Variants in WDR27 observed in about 807,000 individuals in gnomAD.
WDR27 encodes the protein WD repeat-containing protein 27.
WDR27 carries 100 observed loss-of-function variants against 114.4 expected under a neutral mutation model. The observed-to-expected ratio is 0.87, with a 90% confidence interval of 0.74 to 1.03. WDR27 has a LOEUF of 1.03. WDR27 is among the 50% of genes least tolerant of loss of function. The pLI is 0.00. For synonymous variants in WDR27, 449 were observed against 423.1 expected, an observed-to-expected ratio of 1.06 and a Z score of -0.75; for missense variants, 1,129 against 1,092.9, an observed-to-expected ratio of 1.03 and a Z score of -0.47.
intron 24 of WDR27, among the ~76,000 whole-genome samples, chr6:169,580,933 T>TTATATATATATATATACATA (rs1803270055): frequency 3.7e-5 from 2 of 53,690 alleles, no homozygotes; most frequent in African/African-American, 9.7e-5. Context: ...TTAGTGAATT[T>TTATATATATATATATACATA]TATATATATA....
chr6:169,452,180 C>T, the WDR27 span, among the ~76,000 whole-genome samples: 1 of 152,186 alleles, frequency 6.6e-6, no homozygotes, highest in Non-Finnish European at 1.5e-5. Flanking sequence ...GGCCCCACTT[C>T]GGCAGGTTTT....
chr6:169,612,543 G>A (rs563594457), intron 22 of WDR27, among the ~76,000 whole-genome samples: 77 of 151,302 alleles, frequency 5.1e-4, no homozygotes, highest in African/African-American at 1.7e-3. Context: ...GCTCAGGGGT[G>A]GGGTGGTGGG....
rs372255258 is a variant in WDR27, at chr6:169,509,422, G to C, written c.2646-51788C>G. On this transcript the variant is annotated intron_variant, in intron 25 of 25. Coordinates refer to ENST00000448612, the MANE Select transcript of WDR27 (RefSeq NM_182552.5). The stretch of plus-strand genomic sequence containing the variant: ...AACCAAAACAGCATGGTACTGGTAC[G>C]AAAACAGAGATATAGACCAATGGAA... 2.4e-4 allele frequency among the ~76,000 whole-genome samples: 37 copies of C among 152,106 alleles called. No homozygotes were observed. In the South Asian group the frequency reaches 3.3e-3, roughly 14 times the overall value.
At chr6:169,650,033 C>T (rs1821889598) in intron 14 of WDR27, among the ~76,000 whole-genome samples, 1 of 148,602 alleles carries the variant, frequency 6.7e-6, no homozygotes, top group Admixed American at 6.7e-5. Flanking sequence ...ACCCACACAT[C>T]CATCCCTCAT....
rs185423347 is a variant in WDR27, at chr6:169,583,021, G to A, written c.2425-87C>T. On this transcript the variant is annotated intron_variant, in intron 23 of 25. Transcript: ENST00000448612. The stretch of plus-strand genomic sequence containing the variant: ...AGGCAGAGCAGAGGGACCATCTATA[G>A]ATTAGTGTAGTTGATCAGATACAAC... 4 of 1,136,176 alleles carry A rather than the reference G, an allele frequency of 3.5e-6. No homozygotes were observed. In the African/African-American group the frequency reaches 4.6e-5, roughly 13 times the overall value. 70.4% of individuals were successfully genotyped at this position (1,136,176 alleles called of 1,614,324 possible). A position where few individuals can be genotyped will look rare whatever the true frequency, so the allele number is the denominator to read the frequency against.
Position 169,688,892 on chromosome 6 carries a change from G to A in WDR27, c.114C>T (p.Cys38=). 6.2e-7 allele frequency: 1 copy of A among 1,613,870 alleles called. No individual in the cohort carries two copies. Among genetic ancestry groups the A allele is most frequent in the South Asian group, 1.1e-5 (1 of 91,064 alleles). ...AAGGGAAAGCACAGTCCTGCATGCT[G>A]CAAGCAAGCTGAACATGAGACACAG... The part of the protein sequence containing the change: ...KESVSHVQLA[C]SMQDCAFPLD... The change falls in exon 2 of 26, where the codon TGC becomes TGT. Residue 38 remains cysteine, a synonymous_variant. Coordinates refer to ENST00000448612, the MANE Select transcript of WDR27 (RefSeq NM_182552.5).
chr6:169,598,690 C>T (rs1807321581), intron 23 of WDR27, among the ~76,000 whole-genome samples: 1 of 152,188 alleles, frequency 6.6e-6, no homozygotes, highest in South Asian at 2.1e-4. Context: ...GACGCAGCCA[C>T]ACACCAAGGA....
rs756724888 is a variant in WDR27, at chr6:169,668,183, C to G, written c.459G>C (p.Gln153His). Reference sequence around the variant, plus strand: ...GTTCTATGTATGTCACAGAAAATCGCTGCTATTAAAATAAAGCCCAAATTA... The same window carrying G: ...GTTCTATGTATGTCACAGAAAATCGGTGCTATTAAAATAAAGCCCAAATTA... ...GNKIFMLDIE[Q>H]RFSVTYIERP... is the part of the protein sequence containing the mutation. The change falls in exon 5 of 26, where the codon CAG (glutamine) becomes CAC (histidine). Residue 153 changes from glutamine to histidine, a missense_variant and splice_region_variant. By Grantham distance (24) the Gln-to-His change is conservative. Transcript: ENST00000448612. 1 of 1,614,002 alleles carries G rather than the reference C, an allele frequency of 6.2e-7. No individual in the cohort carries two copies. The highest frequency in any genetic ancestry group is 1.1e-5 in the South Asian group (1 of 91,044).
intron 21 of WDR27, among the ~76,000 whole-genome samples, chr6:169,616,354 G>A (rs1312529745): frequency 6.6e-6 from 1 of 152,080 alleles, no homozygotes; most frequent in Admixed American, 6.6e-5. Context: ...TGGGTGTGGT[G>A]GCGGGCACCT....
intron 1 of WDR27, among the ~76,000 whole-genome samples, chr6:169,690,638 T>G (rs865970322): frequency 2.4e-4 from 36 of 152,282 alleles, no homozygotes; most frequent in African/African-American, 8.7e-4. Context: ...ATGGCCAGAC[T>G]GATAGGATGG....
intron 24 of WDR27, among the ~76,000 whole-genome samples, chr6:169,580,249 G>A (rs561497622): frequency 3.0e-4 from 45 of 152,306 alleles, no homozygotes; most frequent in Non-Finnish European, 6.0e-4. Context: ...ATGGAATCAC[G>A]TATTAAATAA....
Position 169,659,031 on chromosome 6 carries a change from A to C in WDR27, c.1319+55T>G. The C allele has an allele frequency of 6.7e-7, 1 of 1,483,870 alleles. No homozygotes were observed. The highest frequency in any genetic ancestry group is 8.9e-7 in the Non-Finnish European group (1 of 1,119,418). The allele number at this position is 1,483,870 out of a possible 1,614,324, so 91.9% of individuals were successfully genotyped here. On this transcript the variant is annotated intron_variant, in intron 12 of 25. Transcript: ENST00000448612. The surrounding 1 kb of genome is among the most constrained non-coding windows in gnomAD (Gnocchi z 4.3). ...TCTTTATTTCTGAACATAGAAATCC[A>C]GATGGCACTTATTGGTGAACACACA...
chr6:169,467,878 T>G (rs1410362437), intron 25 of WDR27, among the ~76,000 whole-genome samples: 1 of 152,230 alleles, frequency 6.6e-6, no homozygotes, highest in Non-Finnish European at 1.5e-5. Context: ...TTTCTGAACT[T>G]TTATGCTCTG....
At chr6:169,558,475 G>A (rs1799219545) in intron 25 of WDR27, 1 of 152,156 alleles carries the variant, frequency 6.6e-6, no homozygotes, top group Non-Finnish European at 1.5e-5. Flanking sequence ...CCTTGCTGCT[G>A]GATGTGGGTC....
At chr6:169,436,228 G>C in the WDR27 span, among the ~76,000 whole-genome samples, 1 of 152,198 alleles carries the variant, frequency 6.6e-6, no homozygotes, top group Admixed American at 6.5e-5. Context: ...AAAATAAGCT[G>C]ATTTTAAATT....
chr6:169,636,366 CCTACCTCTTAATCTCAT>C lies in WDR27; in HGVS notation c.1991_2003+4del. ...AAAATAATGCACAGGGCGGGGGGTGCCTACCTCTTAATCTCATCTTTGCAAGTGTCAATGTGATACCT... is the reference window on the plus strand; with the variant it reads ...AAAATAATGCACAGGGCGGGGGGTGCCTTTGCAAGTGTCAATGTGATACCT... On this transcript the variant is annotated splice_donor_variant and splice_donor_region_variant and coding_sequence_variant and intron_variant, in exon 19 of 26. Transcript: ENST00000448612. LOFTEE classifies it high-confidence loss of function. 6.2e-7 allele frequency: 1 copy of C among 1,613,462 alleles called. No homozygotes were observed. The highest frequency in any genetic ancestry group is 2.2e-5 in the East Asian group (1 of 44,844).
At chr6:169,552,640 C>G (rs1798307270) in intron 25 of WDR27, among the ~76,000 whole-genome samples, 1 of 152,222 alleles carries the variant, frequency 6.6e-6, no homozygotes, top group Non-Finnish European at 1.5e-5. Flanking sequence ...GAAGAAAGTG[C>G]TTGCTCTAAA....
chr6:169,450,926 C>CAATA, the WDR27 span, among the ~76,000 whole-genome samples: 2 of 152,192 alleles, frequency 1.3e-5, no homozygotes, highest in Non-Finnish European at 1.5e-5. Context: ...TGAACAGTCT[C>CAATA]ATATTAGGTA....
intron 25 of WDR27, among the ~76,000 whole-genome samples, chr6:169,515,065 G>A (rs1268526366): frequency 6.6e-6 from 1 of 151,948 alleles, no homozygotes; most frequent in East Asian, 1.9e-4. Flanking sequence ...AACACTAATT[G>A]TTGGTAAGTA....
Sources: gnomAD v4.1 joint callset for allele counts (sites outside exome capture counted in the v4.1 genomes callset) on GRCh38, gnomAD v4.1.1 for gene constraint, Gnocchi (gnomAD v3.1) non-coding constraint, MANE v1.5 for transcripts, NCBI Gene and HGNC (gene_info 2026-07-23, HGNC 2026-07-21) for gene names.